Variants in ZNF638 observed in about 807,000 individuals in gnomAD.
ZNF638 encodes CTCL tumor antigen se33-1.
In ZNF638, 46 loss-of-function variants were observed where a neutral mutation model predicts 195.6. The ratio of observed to expected loss-of-function variants is 0.24; its 90% CI spans 0.19 to 0.30. The LOEUF (loss-of-function observed/expected upper bound fraction) is 0.30, where lower values mean the gene tolerates loss of function less well. ZNF638 is among the 10% of genes least tolerant of loss of function. ZNF638 has a pLI of 1.00. For missense variants in ZNF638, 2,440 were observed against 2,325.3 expected (o/e 1.05, Z -1.01); for synonymous variants, 845 against 772.0 (o/e 1.09, Z -1.57).
intron 11 of ZNF638, among the ~76,000 whole-genome samples, chr2:71,397,699 A>G (rs1345646711): frequency 2.0e-5 from 3 of 152,176 alleles, no homozygotes; most frequent in African/African-American, 7.2e-5. Flanking sequence ...GCTAGTTGTT[A>G]TGAATCCTAA....
chr2:71,389,198 C>T (rs554433499), intron 10 of ZNF638, among the ~76,000 whole-genome samples: 1 of 152,226 alleles, frequency 6.6e-6, no homozygotes, highest in East Asian at 1.9e-4. Flanking sequence ...AGCCCCCTCC[C>T]CCAATAAATT....
intron 10 of ZNF638, among the ~76,000 whole-genome samples, chr2:71,388,959 G>C (rs781416940): frequency 2.0e-5 from 3 of 152,132 alleles, no homozygotes; most frequent in Non-Finnish European, 2.9e-5. Flanking sequence ...AGAGCTCTGG[G>C]AATAAGTGGG....
At chr2:71,410,994 T>C (rs865946605) in intron 20 of ZNF638, among the ~76,000 whole-genome samples, 26 of 93,814 alleles carry the variant, frequency 2.8e-4, no homozygotes, top group African/African-American at 7.8e-4. Flanking sequence ...CCCCCCCCCT[T>C]TTTTTTTTTT....
chr2:71,362,738 A>T (rs2079130766), intron 3 of ZNF638, among the ~76,000 whole-genome samples: 1 of 152,140 alleles, frequency 6.6e-6, no homozygotes. Context: ...CTCAGTGGAC[A>T]TATCTTTATG....
chr2:71,368,194 A>C lies in ZNF638; in HGVS notation c.1996-188A>C, dbSNP rs544324482. Among the ~76,000 whole-genome samples the C allele has an allele frequency of 1.2e-4, 19 of 152,344 alleles. No homozygotes were observed. In the East Asian group the frequency reaches 3.7e-3, roughly 29 times the overall value. On this transcript the variant is annotated intron_variant, in intron 6 of 27. Transcript: ENST00000264447. Reference sequence around the variant, plus strand: ...CACTTTTGCATTTAAAATCTTATTAAAGTGTTAAAATCGTGATTTAAAAAT... The same window carrying C: ...CACTTTTGCATTTAAAATCTTATTACAGTGTTAAAATCGTGATTTAAAAAT...
In ZNF638 at chr2:71,376,049, T is replaced by C. The variant is rs569020917; in HGVS notation, c.2266-4173T>C. 51 of 152,334 alleles carry C rather than the reference T, an allele frequency of 3.3e-4. 1 individual carries two copies. The highest frequency in any genetic ancestry group is 9.9e-4 in the African/African-American group (41 of 41,578). The allele number at this position is 152,334 out of a possible 1,614,324, so 9.4% of individuals were successfully genotyped here. A position where few individuals can be genotyped will look rare whatever the true frequency, so the allele number is the denominator to read the frequency against. ...ATAGGTAAGGATACATTTAAGGAAA[T>C]AGAATGTTTCAAATAGCTTAAAAAA... On this transcript the variant is annotated intron_variant, in intron 8 of 27. Transcript: ENST00000264447.
At chr2:71,376,707 A>G (rs1344974003) in intron 8 of ZNF638, among the ~76,000 whole-genome samples, 1 of 38,504 alleles carries the variant, frequency 2.6e-5, no homozygotes, top group Admixed American at 3.4e-4. Flanking sequence ...TCTAAATATT[A>G]CAGAAAAGGT....
rs550795501 is a variant in ZNF638, at chr2:71,396,820, G to A, written c.2428+629G>A. Among the ~76,000 whole-genome samples the A allele has an allele frequency of 2.0e-5, 3 of 152,230 alleles. No individual in the cohort carries two copies. In the East Asian group the frequency reaches 5.8e-4, roughly 29 times the overall value. Reference sequence around the variant, plus strand: ...AACTAGCCAGGCACCAGTGATGCACGCCTGTAATCTCAGCTACTGGGAAGG... The same window carrying A: ...AACTAGCCAGGCACCAGTGATGCACACCTGTAATCTCAGCTACTGGGAAGG... On this transcript the variant is annotated intron_variant, in intron 11 of 27. Coordinates refer to ENST00000264447, the MANE Select transcript of ZNF638 (RefSeq NM_014497.5).
chr2:71,333,026 A>G (rs1007999231), intron 1 of ZNF638: 1 of 152,224 alleles, frequency 6.6e-6, no homozygotes, highest in Non-Finnish European at 1.5e-5. Flanking sequence ...TTGCTGGTTC[A>G]GATTTACAAT....
In ZNF638 at chr2:71,393,054, A is replaced by G. The variant is rs184024768; in HGVS notation, c.2378-3087A>G. 4.6e-5 allele frequency among the ~76,000 whole-genome samples: 7 copies of G among 152,304 alleles called. 1 individual carries two copies. The South Asian group carries it at 1.2e-3, about 27-fold the overall frequency. ...CCTGTGCCAGCTCACATATTCAACAATTTTGTCACACATGGAGCATCCAAC... is the reference window on the plus strand; with the variant it reads ...CCTGTGCCAGCTCACATATTCAACAGTTTTGTCACACATGGAGCATCCAAC... On this transcript the variant is annotated intron_variant, in intron 10 of 27. Coordinates refer to ENST00000264447, the MANE Select transcript of ZNF638 (RefSeq NM_014497.5).
At position 71,349,645 on chromosome 2, in the gene ZNF638, C is replaced by T; in HGVS notation, c.691C>T (p.Pro231Ser). ...EDPLEVRIYD[P>S]EIPTDEVENE... The stretch of plus-strand genomic sequence containing the variant: ...TCCACTTGAAGTACGTATTTATGAT[C>T]CTGAAATTCCAACTGATGAGGTCGA... The change falls in exon 2 of 28, where the codon CCT becomes TCT. Residue 231 changes from proline (P) to serine (S), a missense_variant. Coordinates refer to ENST00000264447, the MANE Select transcript of ZNF638 (RefSeq NM_014497.5). The T allele has an allele frequency of 6.2e-7, 1 of 1,614,156 alleles. No individual in the cohort carries two copies. The highest frequency in any genetic ancestry group is 1.1e-5 in the South Asian group (1 of 91,072).
At chr2:71,397,767 A>G (rs2079924786) in intron 11 of ZNF638, among the ~76,000 whole-genome samples, 1 of 152,150 alleles carries the variant, frequency 6.6e-6, no homozygotes, top group Non-Finnish European at 1.5e-5. Flanking sequence ...GGGCTCTCTG[A>G]TGATCTTCTG....
In ZNF638 at chr2:71,426,608, A is replaced by G. The variant is rs1386916812; in HGVS notation, c.4739A>G (p.Lys1580Arg). The change falls in exon 24 of 28, where the codon AAG (lysine) becomes AGG (arginine). Residue 1580 changes from lysine (K) to arginine (R), a missense_variant. Coordinates refer to ENST00000264447, the MANE Select transcript of ZNF638 (RefSeq NM_014497.5). ...KNVPFSELNLKKKKGKTSTPR... is the reference protein window; with the variant it reads ...KNVPFSELNLRKKKGKTSTPR... ...GTTCCTTTCTCTGAACTTAACTTAAAGAAGAAAAAGGGGAAAACTTCCACT... is the reference window on the plus strand; with the variant it reads ...GTTCCTTTCTCTGAACTTAACTTAAGGAAGAAAAAGGGGAAAACTTCCACT... 1 of 1,614,178 alleles carries G rather than the reference A, an allele frequency of 6.2e-7. No individual in the cohort carries two copies. Among genetic ancestry groups the G allele is most frequent in the Non-Finnish European group, 8.5e-7 (1 of 1,180,026 alleles).
chr2:71,406,388 A>C (rs1179514775), intron 19 of ZNF638, 126 bp downstream of exon 19: 21 of 808,778 alleles, frequency 2.6e-5, no homozygotes, highest in Middle Eastern at 3.8e-4. Context: ...TCGCAGAATT[A>C]TTATAAACCA....
In ZNF638 at chr2:71,426,576, C is replaced by A; in HGVS notation, c.4707C>A (p.Leu1569=). 2 of 1,614,096 alleles carry A rather than the reference C, an allele frequency of 1.2e-6. No individual in the cohort carries two copies. Among genetic ancestry groups the A allele is most frequent in the Non-Finnish European group, 1.7e-6 (2 of 1,180,002 alleles). Residue 1569 remains leucine, a synonymous_variant, in exon 24 of 28, where the codon CTC becomes CTA. Coordinates refer to ENST00000264447, the MANE Select transcript of ZNF638 (RefSeq NM_014497.5). ...NPLKGKRKET[L]KNVPFSELNL... ...TAAAGGGAAAAAGGAAAGAAACTCT[C>A]AAAAATGTTCCTTTCTCTGAACTTA...
chr2:71,377,336 A>C (rs17749675), intron 8 of ZNF638, among the ~76,000 whole-genome samples: 72,783 of 151,968 alleles, frequency 0.48, 18,928 homozygotes, highest in Admixed American at 0.61. Flanking sequence ...CTGCATTTCA[A>C]CCTTGTGCAA....
intron 8 of ZNF638, 24 bp from the exon 9 acceptor site, chr2:71,380,198 G>A: frequency 1.4e-6 from 2 of 1,452,538 alleles, no homozygotes; most frequent in Non-Finnish European, 1.8e-6. Context: ...AATTTCTTTT[G>A]TTCAAAATAT....
intron 21 of ZNF638, among the ~76,000 whole-genome samples, chr2:71,422,167 G>A (rs768831998): frequency 3.9e-5 from 6 of 151,924 alleles, no homozygotes; most frequent in African/African-American, 9.7e-5. Flanking sequence ...TTCACATAAG[G>A]TGATTATATC....
chr2:71,339,441 G>A (rs978454367), intron 1 of ZNF638, among the ~76,000 whole-genome samples: 21 of 152,262 alleles, frequency 1.4e-4, no homozygotes, highest in African/African-American at 4.8e-4. Flanking sequence ...ATGAGCCACC[G>A]CGCCCGGCCA....
Sources: gnomAD v4.1 joint callset for allele counts (sites outside exome capture counted in the v4.1 genomes callset) on GRCh38, gnomAD v4.1.1 for gene constraint, MANE v1.5 for transcripts, NCBI Gene and HGNC (gene_info 2026-07-23, HGNC 2026-07-21) for gene names.